Variants in RASSF3 observed in about 807,000 individuals in gnomAD.
RASSF3 encodes the protein ras association domain-containing protein 3.
In RASSF3, 19 loss-of-function variants were observed where a neutral mutation model predicts 19.9. The observed-to-expected ratio is 0.96, with a 90% CI of 0.67 to 1.40. The LOEUF is 1.40. Among genes scored for constraint, RASSF3 ranks in the 40% most tolerant of loss-of-function variants. The pLI is 0.00. For synonymous variants in RASSF3, 110 were observed against 104.2 expected (o/e 1.06, Z -0.34); for missense variants, 306 against 289.8 (o/e 1.06, Z -0.41).
chr12:64,555,478 G>T (rs545526261), intron 2 of RASSF3, among the ~76,000 whole-genome samples: 1 of 152,176 alleles, frequency 6.6e-6, no homozygotes, highest in Non-Finnish European at 1.5e-5. Context: ...GGCCGGGCAC[G>T]GTGGCTCACG....
intron 2 of RASSF3, among the ~76,000 whole-genome samples, chr12:64,569,418 G>T (rs1449935469): frequency 1.3e-5 from 2 of 152,204 alleles, no homozygotes; most frequent in Non-Finnish European, 2.9e-5. Context: ...GCTTTGTGCA[G>T]TGCACAAACT....
chr12:64,559,419 TTTGTTG>T (rs56226235), intron 2 of RASSF3, among the ~76,000 whole-genome samples: 4 of 149,070 alleles, frequency 2.7e-5, no homozygotes, highest in Admixed American at 6.7e-5. Flanking sequence ...AATTGTTGTT[TTTGTTG>T]TTGTTGTTGT....
At chr12:64,638,868 G>T (rs953226064) in intron 1 of RASSF3, among the ~76,000 whole-genome samples, 1 of 152,100 alleles carries the variant, frequency 6.6e-6, no homozygotes, top group African/African-American at 2.4e-5. Context: ...TGCTGAACAC[G>T]CCATAGTGTG....
chr12:64,570,545 A>T (rs1229556619), intron 2 of RASSF3, among the ~76,000 whole-genome samples: 2 of 152,172 alleles, frequency 1.3e-5, no homozygotes, highest in Non-Finnish European at 1.5e-5. Context: ...ATATTTTTTC[A>T]TACTAGCCTC....
chr12:64,525,754 T>C (rs529613653), intron 1 of RASSF3, among the ~76,000 whole-genome samples: 2 of 152,206 alleles, frequency 1.3e-5, no homozygotes, highest in Admixed American at 6.5e-5. Flanking sequence ...TTTTTTGCTC[T>C]CTGCTTTGGA....
intron 2 of RASSF3, among the ~76,000 whole-genome samples, chr12:64,587,678 G>T (rs1617260): frequency 0.49 from 74,398 of 152,064 alleles, 18,914 homozygotes; most frequent in Non-Finnish European, 0.56. Flanking sequence ...GAGGGTGGTG[G>T]TTTGTGGGCA....
intron 1 of RASSF3, among the ~76,000 whole-genome samples, chr12:64,644,589 C>T (rs182140992): frequency 1.5e-3 from 232 of 151,960 alleles, no homozygotes; most frequent in African/African-American, 5.3e-3. Flanking sequence ...TCCAGCTACC[C>T]GGGAGGCTAA....
intron 2 of RASSF3, among the ~76,000 whole-genome samples, chr12:64,576,621 G>A (rs886771640): frequency 2.0e-5 from 3 of 152,114 alleles, no homozygotes; most frequent in Non-Finnish European, 4.4e-5. Flanking sequence ...GGCAGCTGAG[G>A]AGGGCAGGTC....
rs1034328887 is a variant in RASSF3, at chr12:64,612,416, C to T, written c.111+1673C>T. Among the ~76,000 whole-genome samples, 10 of 151,646 alleles carry T rather than the reference C, an allele frequency of 6.6e-5. No individual in the cohort carries two copies. The East Asian group carries it at 1.9e-3, about 29-fold the overall frequency. On this transcript the variant is annotated intron_variant, in intron 1 of 4. Coordinates refer to ENST00000542104, the MANE Select transcript of RASSF3 (RefSeq NM_178169.4). ...ATTCAGGTTTGAATTGTATGAGAAT[C>T]CTTTAGTGCTTTAAAGAGTAAAGAC...
chr12:64,693,172 C>G (rs1868309638), intron 4 of RASSF3, among the ~76,000 whole-genome samples: 1 of 143,026 alleles, frequency 7.0e-6, no homozygotes, highest in African/African-American at 2.6e-5. Flanking sequence ...TTTAAATAAC[C>G]AGCCTAAACT....
At chr12:64,516,692 T>A (rs868602507) in intron 1 of RASSF3, among the ~76,000 whole-genome samples, 18 of 146,780 alleles carry the variant, frequency 1.2e-4, no homozygotes, top group African/African-American at 4.5e-4. Context: ...CTAAAAAAAA[T>A]TAATTAACTG....
intron 1 of RASSF3, among the ~76,000 whole-genome samples, chr12:64,645,369 A>G (rs570427274): frequency 6.6e-6 from 1 of 152,230 alleles, no homozygotes; most frequent in East Asian, 1.9e-4. Flanking sequence ...TCCTTAAGAA[A>G]TATTTTCACT....
upstream of RASSF3, among the ~76,000 whole-genome samples, chr12:64,607,753 T>TTTTA (rs559386286): frequency 5.3e-5 from 8 of 151,966 alleles, no homozygotes; most frequent in Non-Finnish European, 1.0e-4. Context: ...TTTAAAATTA[T>TTTTA]TTTATTTATT....
At chr12:64,662,185 G>A (rs1201949863) in intron 1 of RASSF3, among the ~76,000 whole-genome samples, 1 of 151,504 alleles carries the variant, frequency 6.6e-6, no homozygotes, top group Non-Finnish European at 1.5e-5. Context: ...TTGGGAGGCA[G>A]AGGCAGGTGG....
intron 1 of RASSF3, among the ~76,000 whole-genome samples, chr12:64,528,063 A>G (rs1474728246): frequency 6.6e-6 from 1 of 152,118 alleles, no homozygotes; most frequent in Non-Finnish European, 1.5e-5. Flanking sequence ...GTTTGAGACC[A>G]CTCTAGGCAG....
chr12:64,690,352 T>C (rs1272835988), intron 3 of RASSF3, among the ~76,000 whole-genome samples: 1 of 151,658 alleles, frequency 6.6e-6, no homozygotes, highest in East Asian at 1.9e-4. Flanking sequence ...CAGCTAACTT[T>C]TGTATTTTTA....
intron 1 of RASSF3, among the ~76,000 whole-genome samples, chr12:64,620,014 CTGTG>C (rs68044550): frequency 2.2e-5 from 3 of 134,164 alleles, no homozygotes; most frequent in African/African-American, 5.7e-5. Flanking sequence ...TGCAGGTTGA[CTGTG>C]TGTGTGTGTG....
chr12:64,614,358 C>T (rs1870480020), intron 1 of RASSF3, among the ~76,000 whole-genome samples: 2 of 152,112 alleles, frequency 1.3e-5, no homozygotes, highest in African/African-American at 4.8e-5. Context: ...GAATTCCTGA[C>T]CTCAGGTGAT....
intron 1 of RASSF3, among the ~76,000 whole-genome samples, chr12:64,627,626 G>T (rs959987512): frequency 6.6e-6 from 1 of 152,172 alleles, no homozygotes. Context: ...ACTTGTGTCA[G>T]AATTATAATC....
Sources: allele counts gnomAD v4.1 joint callset (sites outside exome capture counted in the v4.1 genomes callset), GRCh38; gene constraint gnomAD v4.1.1; transcripts MANE v1.5; gene names NCBI Gene and HGNC (gene_info 2026-07-23, HGNC 2026-07-21).